The following POLR2B variants were observed in gnomAD, a reference collection of about 807,000 sequenced individuals.
The protein encoded by POLR2B is DNA-directed RNA polymerase II subunit RPB2.
In POLR2B, 57 loss-of-function variants were observed where a neutral mutation model predicts 144.6. The observed-to-expected ratio is 0.39, with a 90% CI of 0.32 to 0.49. POLR2B has a LOEUF of 0.49. POLR2B is among the 20% of genes least tolerant of loss of function. The pLI, the probability that POLR2B is intolerant of heterozygous loss-of-function variation, is 0.83. For synonymous variants in POLR2B, 442 were observed against 469.8 expected, an observed-to-expected ratio of 0.94 and a Z score of 0.77; for missense variants, 595 against 1,467.4, an observed-to-expected ratio of 0.41 and a Z score of 9.71.
chr4:57,016,614 A>G (rs1723375418), intron 14 of POLR2B, among the ~76,000 whole-genome samples: 1 of 146,182 alleles, frequency 6.8e-6, no homozygotes, highest in Non-Finnish European at 1.5e-5. Context: ...TAATATGACA[A>G]TAATATGAAT....
intron 1 of POLR2B, among the ~76,000 whole-genome samples, chr4:56,980,140 G>A (rs567090938): frequency 1.8e-4 from 27 of 148,752 alleles, no homozygotes; most frequent in Admixed American, 3.4e-4. Context: ...TGCCCAGGCT[G>A]GTCTCAAACT....
At chr4:56,992,667 C>T (rs1217418484) in intron 3 of POLR2B, among the ~76,000 whole-genome samples, 3 of 148,630 alleles carry the variant, frequency 2.0e-5, no homozygotes, top group Non-Finnish European at 4.5e-5. Flanking sequence ...TCACGCCATT[C>T]TCCTGCCTCA....
intron 10 of POLR2B, among the ~76,000 whole-genome samples, chr4:57,008,996 C>T (rs1723109081): frequency 8.5e-6 from 1 of 117,478 alleles, no homozygotes; most frequent in South Asian, 3.6e-4. Context: ...GACAGATTCA[C>T]AGTAATTGGC....
intron 4 of POLR2B, 51 bp from the exon 5 acceptor site, chr4:56,994,596 G>C (rs926968230): frequency 6.8e-7 from 1 of 1,461,720 alleles, no homozygotes; most frequent in Non-Finnish European, 9.6e-7. Flanking sequence ...TTGAGGATTT[G>C]TTTTAACAGA....
chr4:57,006,653 C>G (rs956060198), intron 9 of POLR2B, among the ~76,000 whole-genome samples, 163 bp from the exon 10 acceptor site: 1 of 152,162 alleles, frequency 6.6e-6, no homozygotes, highest in African/African-American at 2.4e-5. Flanking sequence ...TGTTCACGTA[C>G]TATACATATA....
At chr4:56,991,876 T>C (rs911091008) in intron 3 of POLR2B, among the ~76,000 whole-genome samples, 2 of 152,142 alleles carry the variant, frequency 1.3e-5, no homozygotes, top group African/African-American at 4.8e-5. Context: ...CAGGCCGATC[T>C]CCAACTCCTG....
At chr4:57,004,228 T>C (rs143441526) in intron 7 of POLR2B, among the ~76,000 whole-genome samples, 14 of 135,774 alleles carry the variant, frequency 1.0e-4, no homozygotes, top group East Asian at 5.6e-4. Flanking sequence ...GGTTTCACTG[T>C]GTTGGCCAGG....
chr4:57,015,704 A>T, intron 14 of POLR2B, 48 bp downstream of exon 14: 1 of 807,134 alleles, frequency 1.2e-6, no homozygotes, highest in South Asian at 3.3e-5. Flanking sequence ...ATTGAGATAG[A>T]ATTTACATAC....
Position 57,025,012 on chromosome 4 carries a change from T to G in POLR2B, c.3078+13T>G. On this transcript the variant is annotated intron_variant, in intron 22 of 24. Transcript: ENST00000314595. ...CAGAGGAAATGAGGTATATTTGCTC[T>G]TATAGTAGTAATTTGCCACTTGTTT... 4.7e-6 allele frequency: 6 copies of G among 1,285,282 alleles called. No individual in the cohort carries two copies. Among genetic ancestry groups the G allele is most frequent in the Non-Finnish European group, 6.7e-6 (6 of 902,158 alleles). The allele number at this position is 1,285,282 out of a possible 1,614,324, so 79.6% of individuals were successfully genotyped here.
chr4:56,997,521 T>G (rs2109667613), intron 6 of POLR2B, among the ~76,000 whole-genome samples: 1 of 152,348 alleles, frequency 6.6e-6, no homozygotes, highest in Admixed American at 6.5e-5. Flanking sequence ...CCTTCCAAAG[T>G]GCTGGCATGA....
In POLR2B at chr4:57,023,629, C is replaced by T. The variant is rs1425290746; in HGVS notation, c.2767-33C>T. ...GCTAGTTTTAGAAAGTAAACCAAATCCACTTAACTAACTTATTTTTATATG... is the reference window on the plus strand; with the variant it reads ...GCTAGTTTTAGAAAGTAAACCAAATTCACTTAACTAACTTATTTTTATATG... On this transcript the variant is annotated intron_variant, in intron 19 of 24. Transcript: ENST00000314595. The surrounding 1 kb of genome is among the most constrained non-coding windows in gnomAD (Gnocchi z 4.3). 3.1e-6 allele frequency: 5 copies of T among 1,609,852 alleles called. No individual in the cohort carries two copies. Among genetic ancestry groups the T allele is most frequent in the Non-Finnish European group, 3.4e-6 (4 of 1,176,936 alleles).
chr4:57,020,779 A>G, intron 16 of POLR2B, 120 bp from the exon 17 acceptor site: 1 of 724,920 alleles, frequency 1.4e-6, no homozygotes, highest in Non-Finnish European at 2.5e-6. Flanking sequence ...GGCAGTTACC[A>G]TGATAACAAA....
intron 1 of POLR2B, among the ~76,000 whole-genome samples, chr4:56,982,121 C>T (rs557486616): frequency 6.6e-6 from 1 of 152,284 alleles, no homozygotes; most frequent in East Asian, 1.9e-4. Context: ...GTGTATACTT[C>T]TAGTTTAAAA....
chr4:56,979,813 C>T (rs1183177748), intron 1 of POLR2B, among the ~76,000 whole-genome samples: 2 of 151,342 alleles, frequency 1.3e-5, no homozygotes, highest in Non-Finnish European at 2.9e-5. Flanking sequence ...GCCGGACGAT[C>T]GCTTGAGCCC....
intron 23 of POLR2B, among the ~76,000 whole-genome samples, 198 bp downstream of exon 23, chr4:57,025,735 C>T (rs1410389735): frequency 6.6e-6 from 1 of 152,082 alleles, no homozygotes; most frequent in African/African-American, 2.4e-5. Context: ...GTTTTAAAGG[C>T]AGAGTCTCAC....
Position 56,999,637 on chromosome 4 carries a change from T to C in POLR2B, c.756T>C (p.Ile252=), listed in dbSNP as rs1440772164. ...RGGQGAKKSA[I]GQRIVATLPY... is the part of the protein sequence containing the mutation. ...TCTAGGGTGCCAAGAAGAGTGCTATTGGTCAGCGCATTGTGGCAACTCTAC... is the reference window on the plus strand; with the variant it reads ...TCTAGGGTGCCAAGAAGAGTGCTATCGGTCAGCGCATTGTGGCAACTCTAC... The change falls in exon 7 of 25, where the codon ATT becomes ATC. Residue 252 remains isoleucine (I), a synonymous_variant. Transcript: ENST00000314595. The C allele has an allele frequency of 1.2e-6, 2 of 1,610,776 alleles. No individual in the cohort carries two copies. Among genetic ancestry groups the C allele is most frequent in the Non-Finnish European group, 1.7e-6 (2 of 1,178,286 alleles).
intron 16 of POLR2B, among the ~76,000 whole-genome samples, chr4:57,019,750 T>C (rs200448074): frequency 4.5e-5 from 6 of 134,366 alleles, no homozygotes; most frequent in African/African-American, 1.7e-4. Flanking sequence ...CCAGTTGTCC[T>C]AATGATGTCT....
chr4:57,023,076 A>C lies in POLR2B; in HGVS notation c.2516-254A>C, dbSNP rs1043023218. On this transcript the variant is annotated intron_variant, in intron 18 of 24. Transcript: ENST00000314595. The surrounding 1 kb of genome is among the most constrained non-coding windows in gnomAD (Gnocchi z 4.3). ...CAAAAAACATATCCAAAGTCACTCG[A>C]TAAATGTCTGTCATGGAAGAATCTG... 6.6e-6 allele frequency among the ~76,000 whole-genome samples: 1 copy of C among 152,234 alleles called. No homozygotes were observed. Among genetic ancestry groups the C allele is most frequent in the African/African-American group, 2.4e-5 (1 of 41,468 alleles).
intron 14 of POLR2B, among the ~76,000 whole-genome samples, 200 bp from the exon 15 acceptor site, chr4:57,016,843 C>T (rs1042281197): frequency 2.0e-5 from 3 of 148,458 alleles, no homozygotes; most frequent in Non-Finnish European, 4.5e-5. Flanking sequence ...AGCAGCTTAC[C>T]TATTTCACTT....
Sources: allele counts gnomAD v4.1 joint callset (sites outside exome capture counted in the v4.1 genomes callset), GRCh38; gene constraint gnomAD v4.1.1; non-coding constraint Gnocchi (gnomAD v3.1); transcripts MANE v1.5; gene names NCBI Gene and HGNC (gene_info 2026-07-23, HGNC 2026-07-21).